Variants in PTPRD observed in about 807,000 individuals in gnomAD.
PTPRD encodes protein tyrosine phosphatase receptor type D, also known as receptor-type tyrosine-protein phosphatase delta.
In PTPRD, 34 loss-of-function variants were observed where a neutral mutation model predicts 214.5. That is an observed-to-expected ratio of 0.16 (90% CI 0.12 to 0.21). PTPRD has a LOEUF of 0.21. Among genes scored for constraint, PTPRD ranks in the 10% least tolerant of loss-of-function variants. The pLI is 1.00. For missense variants in PTPRD, 2,545 were observed against 2,398.7 expected (o/e 1.06, Z -1.27); for synonymous variants, 1,128 against 845.7 (o/e 1.33, Z -5.79).
At chr9:8,947,976 T>A (rs2099076079) in intron 11 of PTPRD, among the ~76,000 whole-genome samples, 1 of 151,666 alleles carries the variant, frequency 6.6e-6, no homozygotes, top group Admixed American at 6.6e-5. Flanking sequence ...CATACACTAG[T>A]AAGTTATGTC....
chr9:8,683,870 T>G (rs1661735479), intron 12 of PTPRD, among the ~76,000 whole-genome samples: 1 of 152,204 alleles, frequency 6.6e-6, no homozygotes, highest in African/African-American at 2.4e-5. Context: ...GACGTAAGGG[T>G]TCCAACTACT....
rs1555531197 is a variant in PTPRD at position 10,060,823 on chromosome 9, T to TTC, written c.-544-27034_-544-27033insGA. ...TTCTTCCTTTCTTTCTTTCTTTCTT[T>TTC]CTTTCTTCCTTCCTTCCTTCCTTTC... On this transcript the variant is annotated intron_variant, in intron 3 of 45. Coordinates refer to ENST00000381196, the MANE Select transcript of PTPRD (RefSeq NM_002839.4). 1.2e-3 allele frequency among the ~76,000 whole-genome samples: 145 copies of TTC among 118,142 alleles called. 9 individuals are homozygous for TTC. Among genetic ancestry groups the TTC allele is most frequent in the Middle Eastern group, 3.7e-3 (1 of 272 alleles). 77.5% of individuals were successfully genotyped at this position (118,142 alleles called of 152,430 possible).
intron 2 of PTPRD, among the ~76,000 whole-genome samples, chr9:10,596,477 G>C (rs1336373199): frequency 6.6e-6 from 1 of 151,240 alleles, no homozygotes; most frequent in Non-Finnish European, 1.5e-5. Flanking sequence ...AATGTTTTAT[G>C]GTTATAAACA....
At position 8,471,045 on chromosome 9, in the gene PTPRD, C is replaced by G. The variant is rs201325763; in HGVS notation, c.3454G>C (p.Gly1152Arg). Residue 1152 changes from glycine to arginine, a missense_variant, in exon 31 of 46, where the codon GGG (glycine) becomes CGG (arginine). Gly to Arg is a moderately radical substitution (Grantham distance 125, BLOSUM62 -2). Transcript: ENST00000381196. ...IIIVPLKKSR[G>R]KFIKPWESPD... ...CTCTCCCATGGCTTGATAAATTTCC[C>G]GCGAGATTTCTTCAAAGGCACAATT... 1 of 1,613,396 alleles carries G rather than the reference C, an allele frequency of 6.2e-7. No homozygotes were observed. The highest frequency in any genetic ancestry group is 2.2e-5 in the East Asian group (1 of 44,864).
chr9:10,076,680 A>G (rs10958873), intron 3 of PTPRD, among the ~76,000 whole-genome samples: 28,840 of 152,016 alleles, frequency 0.19, 3,327 homozygotes, highest in South Asian at 0.29. Flanking sequence ...TGGGGTCCCA[A>G]CCCTTAAAAC....
chr9:9,362,921 T>C (rs117748067), intron 9 of PTPRD, among the ~76,000 whole-genome samples: 7,201 of 150,862 alleles, frequency 0.048, 264 homozygotes, highest in Non-Finnish European at 0.07. Flanking sequence ...GTGTAAAGAG[T>C]GGTCAGTGGT....
chr9:9,750,641 G>A (rs531056434), intron 6 of PTPRD, among the ~76,000 whole-genome samples: 9 of 152,232 alleles, frequency 5.9e-5, no homozygotes, highest in African/African-American at 2.2e-4. Context: ...GTATGTGTGT[G>A]TGTGCATAGT....
At chr9:8,613,759 G>A (rs1034025356) in intron 14 of PTPRD, among the ~76,000 whole-genome samples, 4 of 152,088 alleles carry the variant, frequency 2.6e-5, no homozygotes, top group Non-Finnish European at 5.9e-5. Context: ...TCTTCTACAT[G>A]ACAGTCCACA....
intron 2 of PTPRD, among the ~76,000 whole-genome samples, chr9:10,388,497 G>T: frequency 7.2e-6 from 1 of 138,694 alleles, no homozygotes; most frequent in Admixed American, 7.3e-5. Context: ...AAAAAAAAAA[G>T]CTAATGGTGC....
At chr9:9,666,243 A>T (rs1229059656) in intron 7 of PTPRD, among the ~76,000 whole-genome samples, 4 of 152,010 alleles carry the variant, frequency 2.6e-5, no homozygotes, top group African/African-American at 7.2e-5. Flanking sequence ...AACATTAAAC[A>T]TTTATACACT....
At chr9:10,059,360 C>A (rs538638780) in intron 3 of PTPRD, among the ~76,000 whole-genome samples, 20 of 152,214 alleles carry the variant, frequency 1.3e-4, no homozygotes, top group African/African-American at 3.9e-4. Context: ...CATATGGCAA[C>A]CTGTATTCCT....
At chr9:10,050,645 A>G (rs2097519379) in intron 3 of PTPRD, among the ~76,000 whole-genome samples, 1 of 151,734 alleles carries the variant, frequency 6.6e-6, no homozygotes, top group Non-Finnish European at 1.5e-5. Context: ...TAAAACTAAC[A>G]AAACTTAAGG....
At chr9:8,420,726 A>T (rs2094297155) in intron 35 of PTPRD, among the ~76,000 whole-genome samples, 1 of 151,918 alleles carries the variant, frequency 6.6e-6, no homozygotes, top group Non-Finnish European at 1.5e-5. Context: ...TTATAGGCAG[A>T]TTTTTAGCTT....
chr9:9,629,238 G>GTGTATATATATATATATATATATATA (rs149327972), intron 7 of PTPRD, among the ~76,000 whole-genome samples: 68 of 140,374 alleles, frequency 4.8e-4, no homozygotes, highest in South Asian at 2.2e-3. Context: ...GTGTGTGTGT[G>GTGTATATATATATATATATATATATA]TATATATATA....
At chr9:9,344,063 C>T (rs542248656) in intron 9 of PTPRD, among the ~76,000 whole-genome samples, 1 of 152,228 alleles carries the variant, frequency 6.6e-6, no homozygotes, top group Admixed American at 6.5e-5. Flanking sequence ...TGAAAATGCA[C>T]ATCTCTCAAT....
chr9:8,684,052 G>C (rs1003266497), intron 12 of PTPRD, among the ~76,000 whole-genome samples: 6 of 152,232 alleles, frequency 3.9e-5, no homozygotes, highest in African/African-American at 1.4e-4. Flanking sequence ...CCCCTCCTTA[G>C]AGTCTTCTCA....
At chr9:8,437,312 T>A in intron 34 of PTPRD, 1 of 1,208,772 alleles carries the variant, frequency 8.3e-7, no homozygotes, top group Non-Finnish European at 1.1e-6. Context: ...ATGGAAAGCC[T>A]GATATATTTT....
chr9:9,333,523 TATAA>T (rs1569567451), intron 9 of PTPRD, among the ~76,000 whole-genome samples: 2 of 140,344 alleles, frequency 1.4e-5, no homozygotes, highest in Admixed American at 6.9e-5. Flanking sequence ...TATATATATA[TATAA>T]AGTCTGCAAT....
chr9:10,220,252 T>C (rs976540535), intron 3 of PTPRD, among the ~76,000 whole-genome samples: 7 of 151,918 alleles, frequency 4.6e-5, no homozygotes, highest in African/African-American at 9.7e-5. Context: ...GAAAAATTAC[T>C]AATATTTATA....
Sources: allele counts gnomAD v4.1 joint callset (sites outside exome capture counted in the v4.1 genomes callset), GRCh38; gene constraint gnomAD v4.1.1; transcripts MANE v1.5; gene names NCBI Gene and HGNC (gene_info 2026-07-23, HGNC 2026-07-21).